Variants in DAAM1 observed in about 807,000 individuals in gnomAD.
DAAM1 encodes the protein disheveled-associated activator of morphogenesis 1.
DAAM1 carries 52 observed loss-of-function variants against 130.0 expected under a neutral mutation model. The observed-to-expected ratio is 0.40, with a 90% confidence interval of 0.32 to 0.50. The LOEUF is 0.50. DAAM1 is among the 20% of genes least tolerant of loss of function. The pLI, the probability that DAAM1 is intolerant of heterozygous loss-of-function variation, is 0.61. For missense variants in DAAM1, 1,134 were observed against 1,303.8 expected (o/e 0.87, Z 2.01); for synonymous variants, 452 against 444.5 (o/e 1.02, Z -0.21).
chr14:59,262,068 T>G (rs1369766456), intron 1 of DAAM1, among the ~76,000 whole-genome samples: 2 of 152,124 alleles, frequency 1.3e-5, no homozygotes, highest in East Asian at 3.8e-4. Context: ...TTTTTTCTTT[T>G]AACCTCATCT....
At chr14:59,223,964 G>A (rs925576376) in intron 1 of DAAM1, among the ~76,000 whole-genome samples, 5 of 152,202 alleles carry the variant, frequency 3.3e-5, no homozygotes, top group African/African-American at 1.2e-4. Flanking sequence ...AATGTCATCA[G>A]TGTAATGGTC....
chr14:59,265,713 C>A (rs1022313370), intron 2 of DAAM1: 1 of 152,226 alleles, frequency 6.6e-6, no homozygotes, highest in Non-Finnish European at 1.5e-5. Context: ...CCAGTGGTTG[C>A]AACAGCAGAG....
At chr14:59,333,200 T>G (rs1444139787) in intron 15 of DAAM1, among the ~76,000 whole-genome samples, 2 of 152,206 alleles carry the variant, frequency 1.3e-5, no homozygotes, top group Admixed American at 1.3e-4. Flanking sequence ...TGCAATGCCT[T>G]TTATGCTACT....
At chr14:59,327,278 A>G (rs1885239519) in intron 12 of DAAM1, among the ~76,000 whole-genome samples, 1 of 152,080 alleles carries the variant, frequency 6.6e-6, no homozygotes, top group Non-Finnish European at 1.5e-5. Flanking sequence ...CTTAACTACT[A>G]ATAATTCAAA....
At chr14:59,338,490 C>A in intron 15 of DAAM1, 1 of 1,544,110 alleles carries the variant, frequency 6.5e-7, no homozygotes, top group South Asian at 1.1e-5. Flanking sequence ...CTTCGTTATC[C>A]AGGGTTTTGT....
intron 1 of DAAM1, among the ~76,000 whole-genome samples, chr14:59,211,315 T>C (rs1050824382): frequency 6.6e-6 from 1 of 152,228 alleles, no homozygotes; most frequent in East Asian, 1.9e-4. Context: ...GACTCTATTT[T>C]AAAGTGCTCC....
At chr14:59,265,906 G>A (rs1882414508) in intron 2 of DAAM1, 1 of 152,260 alleles carries the variant, frequency 6.6e-6, no homozygotes, top group Non-Finnish European at 1.5e-5. Context: ...ATTGGCCAGT[G>A]CAGATCACAT....
intron 1 of DAAM1, among the ~76,000 whole-genome samples, chr14:59,225,484 C>T (rs1032077926): frequency 2.0e-4 from 30 of 152,350 alleles, no homozygotes; most frequent in African/African-American, 6.7e-4. Context: ...AAGTGTTTCC[C>T]TGTCTAAAGC....
chr14:59,198,860 A>G (rs1167320290), intron 1 of DAAM1, among the ~76,000 whole-genome samples: 1 of 152,232 alleles, frequency 6.6e-6, no homozygotes, highest in Non-Finnish European at 1.5e-5. Context: ...AATCGTGGCA[A>G]TTCCTTTAAA....
chr14:59,344,927 C>T (rs1279505315), intron 16 of DAAM1, among the ~76,000 whole-genome samples: 2 of 151,412 alleles, frequency 1.3e-5, no homozygotes, highest in African/African-American at 2.4e-5. Flanking sequence ...TTCTTCAACT[C>T]GGTGTGAAAA....
At chr14:59,290,293 A>G (rs915854555) in intron 2 of DAAM1, among the ~76,000 whole-genome samples, 3 of 152,176 alleles carry the variant, frequency 2.0e-5, no homozygotes, top group African/African-American at 4.8e-5. Flanking sequence ...ACACCACTAT[A>G]AAGTTAACAT....
intron 1 of DAAM1, among the ~76,000 whole-genome samples, chr14:59,190,431 C>T (rs1252907): frequency 0.13 from 19,421 of 152,220 alleles, 1,407 homozygotes; most frequent in Middle Eastern, 0.2. Context: ...GCGCCCTCCC[C>T]TGTTGTGCAT....
chr14:59,280,278 A>C (rs1883151717), intron 2 of DAAM1, among the ~76,000 whole-genome samples: 1 of 152,136 alleles, frequency 6.6e-6, no homozygotes, highest in Non-Finnish European at 1.5e-5. Context: ...TTTAATCTTT[A>C]AAATGCATTG....
chr14:59,341,614 A>G (rs573214103), intron 16 of DAAM1, among the ~76,000 whole-genome samples: 8 of 152,354 alleles, frequency 5.3e-5, no homozygotes, highest in African/African-American at 1.9e-4. Flanking sequence ...CAAAAAAAAC[A>G]TAGTCTATGT....
At chr14:59,217,272 G>A (rs72726334) in intron 1 of DAAM1, among the ~76,000 whole-genome samples, 23,997 of 152,040 alleles carry the variant, frequency 0.16, 2,332 homozygotes, top group East Asian at 0.33. Context: ...TTTCTTAAGG[G>A]CAGTAAGGAT....
chr14:59,327,252 C>T (rs1440773399), intron 12 of DAAM1, among the ~76,000 whole-genome samples: 2 of 151,938 alleles, frequency 1.3e-5, no homozygotes, highest in Non-Finnish European at 2.9e-5. Flanking sequence ...GTTCAGTATT[C>T]CTTAAATCAA....
At chr14:59,212,281 ACT>A (rs1366819181) in intron 1 of DAAM1, among the ~76,000 whole-genome samples, 1 of 152,188 alleles carries the variant, frequency 6.6e-6, no homozygotes, top group Non-Finnish European at 1.5e-5. Context: ...GGAGTTATAA[ACT>A]TTTTTGAAGT....
chr14:59,348,736 CCTGT>C (rs1039564488), intron 17 of DAAM1, among the ~76,000 whole-genome samples: 2 of 152,014 alleles, frequency 1.3e-5, no homozygotes, highest in Admixed American at 6.6e-5. Flanking sequence ...GGGTAGAGTG[CCTGT>C]CTGTTTGCAC....
chr14:59,330,935 A>G (rs1594828586), intron 13 of DAAM1, among the ~76,000 whole-genome samples: 1 of 152,204 alleles, frequency 6.6e-6, no homozygotes, highest in East Asian at 1.9e-4. Context: ...GTGAAAACTG[A>G]CTTCATGAAA....
Sources: gnomAD v4.1 joint callset for allele counts (sites outside exome capture counted in the v4.1 genomes callset) on GRCh38, gnomAD v4.1.1 for gene constraint, MANE v1.5 for transcripts, NCBI Gene and HGNC (gene_info 2026-07-23, HGNC 2026-07-21) for gene names.